Variants in CADM2 observed in about 807,000 individuals in gnomAD.
CADM2 encodes cell adhesion molecule 2, also known as immunoglobulin superfamily member 4D.
A neutral mutation model predicts 49.8 loss-of-function variants in CADM2; 12 were observed. The observed-to-expected ratio is 0.24, with a 90% CI of 0.15 to 0.39. The LOEUF (loss-of-function observed/expected upper bound fraction) is 0.39, where lower values mean the gene tolerates loss of function less well. Among genes scored for constraint, CADM2 ranks in the 10% least tolerant of loss-of-function variants. CADM2 has a pLI of 1.00. For synonymous variants in CADM2, 214 were observed against 175.4 expected, an observed-to-expected ratio of 1.22 and a Z score of -1.74; for missense variants, 378 against 492.3, an observed-to-expected ratio of 0.77 and a Z score of 2.20.
At chr3:85,294,101 C>A (rs2043883785) in intron 1 of CADM2, among the ~76,000 whole-genome samples, 1 of 151,718 alleles carries the variant, frequency 6.6e-6, no homozygotes, top group Non-Finnish European at 1.5e-5. Context: ...TCTCAGGATA[C>A]AAAATCAATG....
intron 8 of CADM2, among the ~76,000 whole-genome samples, chr3:86,020,540 A>G (rs1433985225): frequency 6.6e-6 from 1 of 151,486 alleles, no homozygotes; most frequent in Admixed American, 6.6e-5. Flanking sequence ...ACAAAAAAAG[A>G]GAATTTTAGA....
In CADM2 at chr3:84,966,186, G is replaced by A. The variant is rs886652574; in HGVS notation, c.61+6518G>A. ...AAGCATGCAGCCTATTTAAAAATTAGTGAAGTAAATATTCTGCTTAAGTAG... is the reference window on the plus strand; with the variant it reads ...AAGCATGCAGCCTATTTAAAAATTAATGAAGTAAATATTCTGCTTAAGTAG... On this transcript the variant is annotated intron_variant, in intron 1 of 9. Coordinates refer to ENST00000383699, the MANE Select transcript of CADM2 (RefSeq NM_001167675.2). Among the ~76,000 whole-genome samples the A allele has an allele frequency of 1.1e-4, 17 of 152,054 alleles. 1 individual carries two copies. Among genetic ancestry groups the A allele is most frequent in the Admixed American group, 2.6e-4 (4 of 15,258 alleles).
intron 1 of CADM2, among the ~76,000 whole-genome samples, chr3:85,277,463 A>G (rs2043385708): frequency 6.6e-6 from 1 of 151,372 alleles, no homozygotes. Flanking sequence ...AGCCAGATCC[A>G]TGTTTCTAAT....
chr3:85,170,472 A>G lies in CADM2; in HGVS notation c.61+210804A>G, dbSNP rs191322923. On this transcript the variant is annotated intron_variant, in intron 1 of 9. Coordinates refer to ENST00000383699, the MANE Select transcript of CADM2 (RefSeq NM_001167675.2). ...TTCTGCCTCAATCTCCTGAGTAGCCAGGATTACAGGCGCCCGCCACCACGC... is the reference window on the plus strand; with the variant it reads ...TTCTGCCTCAATCTCCTGAGTAGCCGGGATTACAGGCGCCCGCCACCACGC... Among the ~76,000 whole-genome samples the G allele has an allele frequency of 8.1e-3, 1,224 of 151,616 alleles. 18 individuals are homozygous for G. The highest frequency in any genetic ancestry group is 0.028 in the African/African-American group (1,165 of 41,326).
chr3:85,414,115 A>G (rs1318842397), intron 1 of CADM2, among the ~76,000 whole-genome samples: 1 of 152,096 alleles, frequency 6.6e-6, no homozygotes. Context: ...CACCCGCCTC[A>G]GTCTCCCAAA....
At chr3:85,439,153 G>T (rs1209290989) in intron 1 of CADM2, among the ~76,000 whole-genome samples, 2 of 133,946 alleles carry the variant, frequency 1.5e-5, no homozygotes, top group South Asian at 2.5e-4. Context: ...GACTTATAAT[G>T]ACTTTTTTTT....
At chr3:85,082,222 GA>G (rs2037191143) in intron 1 of CADM2, among the ~76,000 whole-genome samples, 1 of 152,112 alleles carries the variant, frequency 6.6e-6, no homozygotes, top group Admixed American at 6.6e-5. Context: ...AGGCAGCAAA[GA>G]AGCATTGTAA....
chr3:85,107,047 AT>A (rs1304675492), intron 1 of CADM2, among the ~76,000 whole-genome samples: 2 of 152,128 alleles, frequency 1.3e-5, no homozygotes, highest in Non-Finnish European at 2.9e-5. Context: ...AAGAGGTAAG[AT>A]AACAACTGAT....
At chr3:85,835,031 G>T in intron 3 of CADM2, among the ~76,000 whole-genome samples, 1 of 151,642 alleles carries the variant, frequency 6.6e-6, no homozygotes, top group Middle Eastern at 3.2e-3. Flanking sequence ...GAAATCAGAA[G>T]TATGACGGTC....
At chr3:85,897,637 C>T (rs1010344848) in intron 5 of CADM2, among the ~76,000 whole-genome samples, 1 of 151,956 alleles carries the variant, frequency 6.6e-6, no homozygotes, top group Admixed American at 6.6e-5. Context: ...TTCTTGCTTG[C>T]TTGTTTTACT....
At chr3:85,215,375 A>AG (rs1331418989) in intron 1 of CADM2, among the ~76,000 whole-genome samples, 3 of 151,306 alleles carry the variant, frequency 2.0e-5, no homozygotes, top group Admixed American at 1.3e-4. Context: ...AAAAAAAAAA[A>AG]AAAAAAAGAA....
chr3:86,060,620 C>T (rs1738518004), intron 8 of CADM2, among the ~76,000 whole-genome samples: 1 of 152,098 alleles, frequency 6.6e-6, no homozygotes, highest in Non-Finnish European at 1.5e-5. Context: ...TTATAAATTA[C>T]CCAGTCCACA....
intron 1 of CADM2, among the ~76,000 whole-genome samples, chr3:85,250,204 A>G (rs1004541284): frequency 2.6e-5 from 4 of 151,734 alleles, no homozygotes; most frequent in Admixed American, 2.6e-4. Flanking sequence ...GTAACATGAT[A>G]TAAACCACCA....
In CADM2 at chr3:85,911,341, A is replaced by G. The variant is rs997537452; in HGVS notation, c.530-1032A>G. Among the ~76,000 whole-genome samples the G allele has an allele frequency of 4.1e-4, 63 of 152,120 alleles. 1 individual carries two copies. The highest frequency in any genetic ancestry group is 3.5e-3 in the Admixed American group (53 of 15,256). On this transcript the variant is annotated intron_variant, in intron 5 of 9. Coordinates refer to ENST00000383699, the MANE Select transcript of CADM2 (RefSeq NM_001167675.2). ...ATATTGCTAAACCTCTTTTCCACAAAGAACAAATAGTCCCTTAGTGCACCA... is the reference window on the plus strand; with the variant it reads ...ATATTGCTAAACCTCTTTTCCACAAGGAACAAATAGTCCCTTAGTGCACCA...
At position 85,206,889 on chromosome 3, in the gene CADM2, TA is replaced by T. The variant is rs1279850354; in HGVS notation, c.61+247223del. Among the ~76,000 whole-genome samples the T allele has an allele frequency of 5.3e-5, 8 of 152,176 alleles. No individual in the cohort carries two copies. The South Asian group carries it at 1.4e-3, about 28-fold the overall frequency. ...TTAGTAATATTTTTATTAAACTTCA[TA>T]ATTATAATATTGGAAATGGTTTGGA... is the stretch of plus-strand genomic sequence containing the variant. On this transcript the variant is annotated intron_variant, in intron 1 of 9. Coordinates refer to ENST00000383699, the MANE Select transcript of CADM2 (RefSeq NM_001167675.2).
intron 8 of CADM2, among the ~76,000 whole-genome samples, chr3:86,054,671 C>T (rs1737712745): frequency 6.6e-6 from 1 of 151,764 alleles, no homozygotes; most frequent in African/African-American, 2.4e-5. Flanking sequence ...TTTGTTGTTT[C>T]CTCTGAAAGC....
intron 1 of CADM2, among the ~76,000 whole-genome samples, chr3:85,346,674 A>T (rs938281858): frequency 6.6e-6 from 1 of 152,214 alleles, no homozygotes; most frequent in Non-Finnish European, 1.5e-5. Context: ...TTAAAAATGC[A>T]AACACAAATT....
intron 1 of CADM2, among the ~76,000 whole-genome samples, chr3:85,492,369 A>G (rs1264219513): frequency 2.6e-5 from 4 of 152,076 alleles, no homozygotes; most frequent in Non-Finnish European, 5.9e-5. Flanking sequence ...AGGTGTGAGG[A>G]CCACCTGAAT....
At chr3:85,258,598 A>G (rs762621165) in intron 1 of CADM2, among the ~76,000 whole-genome samples, 1 of 152,108 alleles carries the variant, frequency 6.6e-6, no homozygotes, top group Non-Finnish European at 1.5e-5. Context: ...CCAAGACGCT[A>G]TCCAATCCCT....
Sources: allele counts gnomAD v4.1 joint callset (sites outside exome capture counted in the v4.1 genomes callset), GRCh38; gene constraint gnomAD v4.1.1; transcripts MANE v1.5; gene names NCBI Gene and HGNC (gene_info 2026-07-23, HGNC 2026-07-21).